The following TENM2 variants were observed in gnomAD, a reference collection of about 807,000 sequenced individuals.
The protein encoded by TENM2 is teneurin transmembrane protein 2.
Under a neutral mutation model 245.2 loss-of-function variants are expected in TENM2, and 52 were observed. The observed-to-expected ratio is 0.21, with a 90% CI of 0.17 to 0.27. The LOEUF (loss-of-function observed/expected upper bound fraction) is 0.27, where lower values mean the gene tolerates loss of function less well. TENM2 is among the 10% of genes least tolerant of loss of function. TENM2 has a pLI of 1.00. For synonymous variants in TENM2, 1,363 were observed against 1,438.9 expected (o/e 0.95, Z 1.19); for missense variants, 3,046 against 3,666.8 (o/e 0.83, Z 4.37).
chr5:167,882,984 G>A (rs1334947753), intron 3 of TENM2, among the ~76,000 whole-genome samples: 1 of 152,132 alleles, frequency 6.6e-6, no homozygotes, highest in African/African-American at 2.4e-5. Context: ...AATGTTAGAG[G>A]CTCCCCAACT....
chr5:167,686,944 A>T (rs1325830030), intron 2 of TENM2, among the ~76,000 whole-genome samples: 3 of 152,224 alleles, frequency 2.0e-5, no homozygotes, highest in Non-Finnish European at 4.4e-5. Context: ...AGGGAGGAGC[A>T]TCGTCCAAAA....
intron 9 of TENM2, among the ~76,000 whole-genome samples, chr5:168,106,548 G>A (rs1464528375): frequency 6.6e-6 from 1 of 152,218 alleles, no homozygotes; most frequent in Admixed American, 6.5e-5. Context: ...GAGCAAGTAA[G>A]TGGAATTGTT....
Position 167,788,777 on chromosome 5 carries a change from C to T in TENM2, c.503-87209C>T, listed in dbSNP as rs185478181. Among the ~76,000 whole-genome samples the T allele has an allele frequency of 3.3e-5, 5 of 152,290 alleles. No homozygotes were observed. The East Asian group carries it at 5.8e-4, about 18-fold the overall frequency. On this transcript the variant is annotated intron_variant, in intron 2 of 28. Transcript: ENST00000518659. ...TATTATTTAGGGCTCTTCCTTAGAT[C>T]ATCAGCTTCCTCTCCATTCAGCCAT...
the TENM2 span, among the ~76,000 whole-genome samples, chr5:167,221,199 G>A: frequency 6.6e-6 from 1 of 152,128 alleles, no homozygotes; most frequent in East Asian, 1.9e-4. Context: ...CCTTTTGGGG[G>A]CTTATAGTCT....
chr5:167,745,918 G>A (rs1413628518), intron 2 of TENM2, among the ~76,000 whole-genome samples: 1 of 152,062 alleles, frequency 6.6e-6, no homozygotes, highest in Admixed American at 6.6e-5. Flanking sequence ...TCCAATTTGG[G>A]GCTCTTATGA....
intron 5 of TENM2, among the ~76,000 whole-genome samples, chr5:168,039,415 G>A (rs1787987034): frequency 6.6e-6 from 1 of 151,778 alleles, no homozygotes; most frequent in African/African-American, 2.4e-5. Flanking sequence ...GTGGGGATGT[G>A]TTTCGTTATC....
At chr5:167,689,059 G>T (rs1179102922) in intron 2 of TENM2, among the ~76,000 whole-genome samples, 1 of 152,112 alleles carries the variant, frequency 6.6e-6, no homozygotes, top group African/African-American at 2.4e-5. Context: ...CCGGAAAAAC[G>T]TTGTTATTTT....
At chr5:167,976,260 A>G (rs1327275913) in intron 4 of TENM2, among the ~76,000 whole-genome samples, 1 of 152,054 alleles carries the variant, frequency 6.6e-6, no homozygotes, top group African/African-American at 2.4e-5. Context: ...TAGGATACTG[A>G]TCTAGAAACA....
intron 2 of TENM2, among the ~76,000 whole-genome samples, chr5:167,866,976 C>A (rs1404584600): frequency 6.6e-6 from 1 of 152,242 alleles, no homozygotes; most frequent in Non-Finnish European, 1.5e-5. Context: ...CGCCCATCAT[C>A]ACAATAAGTT....
intron 5 of TENM2, 115 bp from the exon 8 acceptor site, chr5:168,047,312 T>C: frequency 7.9e-7 from 1 of 1,258,748 alleles, no homozygotes; most frequent in South Asian, 1.4e-5. Context: ...CAAGCCATTT[T>C]TGACGCAGCT....
chr5:167,275,629 T>G, the TENM2 span, among the ~76,000 whole-genome samples: 1 of 152,022 alleles, frequency 6.6e-6, no homozygotes, highest in African/African-American at 2.4e-5. Flanking sequence ...TCTAAATGCT[T>G]TGTGTTTTGA....
At chr5:167,253,349 C>T in the TENM2 span, among the ~76,000 whole-genome samples, 11 of 151,162 alleles carry the variant, frequency 7.3e-5, no homozygotes, top group Admixed American at 6.6e-4. Context: ...CCACCCACCT[C>T]GGCCTCCCAA....
Position 167,810,593 on chromosome 5 carries a change from C to T in TENM2, c.503-65393C>T, listed in dbSNP as rs530043711. ...AGGAATACTTCACTACATAATCAAG[C>T]GGAAGGTCAAGAGAGGTGGAGAGAG... On this transcript the variant is annotated intron_variant, in intron 2 of 28. Coordinates refer to ENST00000518659, the Ensembl canonical transcript of TENM2. Among the ~76,000 whole-genome samples, 8 of 150,392 alleles carry T rather than the reference C, an allele frequency of 5.3e-5. No homozygotes were observed. The East Asian group carries it at 5.9e-4, about 11-fold the overall frequency.
At chr5:168,005,495 C>G (rs1417746304) in intron 5 of TENM2, among the ~76,000 whole-genome samples, 2 of 152,210 alleles carry the variant, frequency 1.3e-5, no homozygotes, top group Non-Finnish European at 2.9e-5. Context: ...CTTTATCGTA[C>G]CTGTGTCTCC....
intron 1 of TENM2, among the ~76,000 whole-genome samples, chr5:167,305,421 A>T (rs1048454211): frequency 2.6e-5 from 4 of 152,220 alleles, no homozygotes; most frequent in African/African-American, 9.6e-5. Context: ...GAAAACAGTA[A>T]TAATAACACA....
chr5:167,491,633 G>A (rs1329307471), intron 2 of TENM2, among the ~76,000 whole-genome samples: 2 of 152,128 alleles, frequency 1.3e-5, no homozygotes, highest in African/African-American at 4.8e-5. Flanking sequence ...ATCTCCTACT[G>A]TGAATCTTCT....
intron 1 of TENM2, among the ~76,000 whole-genome samples, chr5:167,330,859 A>T (rs1336792620): frequency 1.3e-5 from 2 of 152,122 alleles, no homozygotes; most frequent in Non-Finnish European, 2.9e-5. Flanking sequence ...AGTACGTTTC[A>T]TTCTTCCATG....
At chr5:167,901,984 G>A (rs1336911009) in intron 3 of TENM2, among the ~76,000 whole-genome samples, 3 of 152,204 alleles carry the variant, frequency 2.0e-5, no homozygotes, top group Admixed American at 6.6e-5. Context: ...CGGTGTATGA[G>A]CGAGTCTGTT....
In TENM2 at chr5:167,394,214, A is replaced by C. The variant is rs769760953; in HGVS notation, c.502+18741A>C. 4.3e-4 allele frequency among the ~76,000 whole-genome samples: 65 copies of C among 152,286 alleles called. 1 individual carries two copies. Among genetic ancestry groups the C allele is most frequent in the Non-Finnish European group, 7.8e-4 (53 of 68,018 alleles). On this transcript the variant is annotated intron_variant, in intron 2 of 28. Transcript: ENST00000518659. ...ATCTTTGCCAAGACCAAAGTCATGAAGTTCTTTCCCAATTTTTTTTAGGAG... is the reference window on the plus strand; with the variant it reads ...ATCTTTGCCAAGACCAAAGTCATGACGTTCTTTCCCAATTTTTTTTAGGAG...
Sources: gnomAD v4.1 joint callset for allele counts (sites outside exome capture counted in the v4.1 genomes callset) on GRCh38, gnomAD v4.1.1 for gene constraint, MANE v1.5 for transcripts, NCBI Gene and HGNC (gene_info 2026-07-23, HGNC 2026-07-21) for gene names.